The following FAM120B variants were observed in gnomAD, a reference collection of about 807,000 sequenced individuals.
FAM120B encodes the protein constitutive coactivator of peroxisome proliferator-activated receptor gamma.
A neutral mutation model predicts 96.3 loss-of-function variants in FAM120B; 83 were observed. The observed-to-expected ratio is 0.86, with a 90% CI of 0.72 to 1.03. The LOEUF is 1.03. Among genes scored for constraint, FAM120B ranks in the 50% least tolerant of loss-of-function variants. The pLI, the probability that FAM120B is intolerant of heterozygous loss-of-function variation, is 0.00. For missense variants in FAM120B, 1,027 were observed against 1,121.2 expected, an observed-to-expected ratio of 0.92 and a Z score of 1.20; for synonymous variants, 407 against 402.7, an observed-to-expected ratio of 1.01 and a Z score of -0.13.
intron 3 of FAM120B, among the ~76,000 whole-genome samples, chr6:170,328,690 T>G (rs993112207): frequency 3.9e-5 from 6 of 152,220 alleles, no homozygotes; most frequent in Non-Finnish European, 7.3e-5. Flanking sequence ...AAATGAGCGT[T>G]TTTTTAAATA....
chr6:170,346,159 T>G (rs571557705), intron 4 of FAM120B, among the ~76,000 whole-genome samples: 8 of 152,274 alleles, frequency 5.3e-5, no homozygotes, highest in African/African-American at 1.4e-4. Flanking sequence ...ATGGCTGTAC[T>G]GGGTTCTACT....
At chr6:170,357,984 G>A (rs1183612331) in intron 5 of FAM120B, among the ~76,000 whole-genome samples, 2 of 152,076 alleles carry the variant, frequency 1.3e-5, no homozygotes, top group Non-Finnish European at 2.9e-5. Flanking sequence ...GCGTGTGCCT[G>A]TGTGTACACC....
chr6:170,360,336 C>T (rs1226173592), intron 6 of FAM120B, among the ~76,000 whole-genome samples: 2 of 152,146 alleles, frequency 1.3e-5, no homozygotes, highest in African/African-American at 2.4e-5. Context: ...TACTGTTCTT[C>T]GTAGGCATTT....
At chr6:170,314,340 TGTC>T (rs1784768763) in intron 1 of FAM120B, among the ~76,000 whole-genome samples, 1 of 152,244 alleles carries the variant, frequency 6.6e-6, no homozygotes, top group African/African-American at 2.4e-5. Flanking sequence ...CTTTATATAC[TGTC>T]CTTGGATTAA....
rs1783984709 is a variant in FAM120B, at chr6:170,295,739, G to T, written c.48+286G>T. 6.6e-6 allele frequency among the ~76,000 whole-genome samples: 1 copy of T among 152,144 alleles called. No homozygotes were observed. The highest frequency in any genetic ancestry group is 1.5e-5 in the Non-Finnish European group (1 of 67,996). Reference sequence around the variant, plus strand: ...TTCTCAGGATCCGCGGCCGTGCAGAGAACAGGAAGACGGGCTCCAACCCCA... The same window carrying T: ...TTCTCAGGATCCGCGGCCGTGCAGATAACAGGAAGACGGGCTCCAACCCCA... On this transcript the variant is annotated intron_variant, in intron 1 of 10. Transcript: ENST00000537664. The surrounding 1 kb of genome is among the most constrained non-coding windows in gnomAD (Gnocchi z 7.8).
upstream of FAM120B, among the ~76,000 whole-genome samples, chr6:170,292,633 G>T (rs1346298111): frequency 6.6e-6 from 1 of 152,248 alleles, no homozygotes; most frequent in East Asian, 1.9e-4. This position sits in a 1 kb window ranked among gnomAD's most constrained non-coding sequence, Gnocchi z 6.6. Flanking sequence ...CAGAGGGAAA[G>T]TCTTCAAACA....
intron 4 of FAM120B, among the ~76,000 whole-genome samples, chr6:170,343,876 C>A (rs1051017886): frequency 7.2e-5 from 11 of 152,176 alleles, no homozygotes; most frequent in Admixed American, 1.3e-4. Context: ...ATGTCACTTA[C>A]GTGTCACGGC....
chr6:170,350,486 G>A (rs944706526), intron 5 of FAM120B, among the ~76,000 whole-genome samples: 2 of 152,188 alleles, frequency 1.3e-5, no homozygotes, highest in Non-Finnish European at 2.9e-5. Context: ...CTCCTGACTG[G>A]GTGAGTCCTC....
intron 6 of FAM120B, among the ~76,000 whole-genome samples, chr6:170,362,199 G>T (rs745837312): frequency 9.1e-4 from 139 of 152,194 alleles, no homozygotes; most frequent in Non-Finnish European, 1.7e-3. Flanking sequence ...TTGAAGGGGG[G>T]AGGTAGAGAC....
upstream of FAM120B, chr6:170,291,141 C>G: frequency 1.9e-6 from 1 of 526,564 alleles, no homozygotes; most frequent in Admixed American, 2.3e-5. Flanking sequence ...CAGTCCTCCC[C>G]TGCCCCCGCC....
At position 170,381,795 on chromosome 6, in the gene FAM120B, C is replaced by T. The variant is rs139767620; in HGVS notation, c.2284-6492C>T. ...AAAAGGATTTGACAAAATTCAGTGC[C>T]CATTCATGGTTAAAAAAAAAAAAAA... On this transcript the variant is annotated intron_variant, in intron 6 of 10. Transcript: ENST00000476287. Among the ~76,000 whole-genome samples, 353 of 151,476 alleles carry T rather than the reference C, an allele frequency of 2.3e-3. 1 individual carries two copies. Among genetic ancestry groups the T allele is most frequent in the African/African-American group, 8.2e-3 (336 of 41,144 alleles).
intron 9 of FAM120B, among the ~76,000 whole-genome samples, chr6:170,401,069 C>G (rs966476968): frequency 6.6e-6 from 1 of 152,196 alleles, no homozygotes; most frequent in Non-Finnish European, 1.5e-5. Flanking sequence ...CATCCTCATG[C>G]AAATTAAAAC....
At chr6:170,391,795 T>C (rs1036080189) in intron 8 of FAM120B, among the ~76,000 whole-genome samples, 3 of 152,132 alleles carry the variant, frequency 2.0e-5, no homozygotes, top group African/African-American at 7.2e-5. Flanking sequence ...AAAAAGGAAA[T>C]ATACATGGCC....
chr6:170,378,765 G>A (rs1489745802), intron 6 of FAM120B, among the ~76,000 whole-genome samples: 1 of 152,230 alleles, frequency 6.6e-6, no homozygotes, highest in Non-Finnish European at 1.5e-5. Context: ...CTGGTTGTGG[G>A]CGGGGTGGGC....
intron 8 of FAM120B, among the ~76,000 whole-genome samples, chr6:170,392,372 T>C (rs1025844905): frequency 6.6e-6 from 1 of 152,152 alleles, no homozygotes. Context: ...CACGCCCGGC[T>C]AATTTTTGTA....
rs181436517 is a variant in FAM120B, at chr6:170,367,252, T to C, written c.2283+8934T>C. 3.8e-3 allele frequency among the ~76,000 whole-genome samples: 575 copies of C among 152,370 alleles called. 3 individuals carry two copies. Among genetic ancestry groups the C allele is most frequent in the Middle Eastern group, 0.017 (5 of 294 alleles). On this transcript the variant is annotated intron_variant, in intron 6 of 10. Coordinates refer to ENST00000476287, the MANE Select transcript of FAM120B (RefSeq NM_032448.3). ...TTTGTCAAAAGCTTCAACCAGGGGT[T>C]ACCAGACTATCGCCCATAGGCCACA...
intron 4 of FAM120B, among the ~76,000 whole-genome samples, chr6:170,333,727 C>T (rs908050525): frequency 1.3e-5 from 2 of 152,130 alleles, no homozygotes; most frequent in Non-Finnish European, 2.9e-5. Context: ...CGCAAATGAT[C>T]CTTCCGCTTC....
intron 4 of FAM120B, among the ~76,000 whole-genome samples, chr6:170,342,866 G>A (rs1786928509): frequency 6.6e-6 from 1 of 152,168 alleles, no homozygotes; most frequent in African/African-American, 2.4e-5. Flanking sequence ...TGAAACATGA[G>A]GGCCACCTTC....
chr6:170,303,841 A>G (rs1169088300), upstream of FAM120B, among the ~76,000 whole-genome samples: 2 of 152,258 alleles, frequency 1.3e-5, no homozygotes, highest in Admixed American at 1.3e-4. Context: ...ACTAGATTCA[A>G]TAATGGCCTC....
Sources: allele counts gnomAD v4.1 joint callset (sites outside exome capture counted in the v4.1 genomes callset), GRCh38; gene constraint gnomAD v4.1.1; non-coding constraint Gnocchi (gnomAD v3.1); transcripts MANE v1.5; gene names NCBI Gene and HGNC (gene_info 2026-07-23, HGNC 2026-07-21).